Variants in PCDHGA1 observed in about 807,000 individuals in gnomAD.
PCDHGA1 encodes protocadherin gamma-A1.
Under a neutral mutation model 58.0 loss-of-function variants are expected in PCDHGA1, and 32 were observed. That is an observed-to-expected ratio of 0.55 (90% CI 0.42 to 0.74). The LOEUF is 0.74. Among genes scored for constraint, PCDHGA1 ranks in the 30% least tolerant of loss-of-function variants. The probability of loss-of-function intolerance (pLI) is 0.00; values close to 1 mark genes in which losing one functional copy is unlikely to be tolerated. For synonymous variants in PCDHGA1, 498 were observed against 501.1 expected (o/e 0.99, Z 0.08); for missense variants, 1,205 against 1,182.3 (o/e 1.02, Z -0.28).
intron 1 of PCDHGA1, 85 bp downstream of exon 1, chr5:141,333,190 T>C (rs1038726674): frequency 6.3e-7 from 1 of 1,583,000 alleles, no homozygotes; most frequent in Non-Finnish European, 8.6e-7. Flanking sequence ...TTGCTACAGA[T>C]AGTTCTTCTA....
At chr5:141,418,868 G>A in intron 1 of PCDHGA1, 2 of 1,613,998 alleles carry the variant, frequency 1.2e-6, no homozygotes, top group Non-Finnish European at 1.7e-6. Flanking sequence ...AATTGTAGAA[G>A]TTGTAGACGA....
At chr5:141,363,379 C>A (rs1307395105) in intron 1 of PCDHGA1, among the ~76,000 whole-genome samples, 1 of 151,982 alleles carries the variant, frequency 6.6e-6, no homozygotes, top group Non-Finnish European at 1.5e-5. Flanking sequence ...AGAGGTTTTT[C>A]TATTTCTGTT....
rs760056101 is a variant in PCDHGA1, at chr5:141,361,494, A to T, written c.2421+28389A>T. The T allele has an allele frequency of 2.5e-6, 4 of 1,613,976 alleles. No homozygotes were observed. In the East Asian group the frequency reaches 8.9e-5, roughly 36 times the overall value. On this transcript the variant is annotated intron_variant, in intron 1 of 3. Coordinates refer to ENST00000517417, the MANE Select transcript of PCDHGA1 (RefSeq NM_018912.3). ...TCAACGATAATGCCCCAGTTTTCCA[A>T]CAGACTTCCTACATGGTTCACGTGG...
intron 1 of PCDHGA1, chr5:141,372,263 G>A: frequency 6.2e-7 from 1 of 1,613,110 alleles, no homozygotes; most frequent in Admixed American, 1.7e-5. Flanking sequence ...GCCTGCGCAC[G>A]GGTGAGGTGC....
intron 1 of PCDHGA1, chr5:141,415,561 T>C (rs11575963): frequency 0.067 from 108,836 of 1,614,090 alleles, 4,260 homozygotes; most frequent in Non-Finnish European, 0.077. Context: ...CGATCCTTTG[T>C]CTTTGTTAGA....
chr5:141,331,147 C>G lies in PCDHGA1; in HGVS notation c.463C>G (p.Pro155Ala). Residue 155 changes from proline to alanine, a missense_variant, in exon 1 of 4, where the codon CCT becomes GCT. Pro to Ala is a conservative substitution (Grantham distance 27). Coordinates refer to ENST00000517417, the MANE Select transcript of PCDHGA1 (RefSeq NM_018912.3). ...ITTPGTRVSL[P>A]FGQDLDVGMN... Reference sequence around the variant, plus strand: ...GACTCCAGGTACCAGAGTCTCATTGCCTTTTGGGCAAGACCTTGATGTGGG... The same window carrying G: ...GACTCCAGGTACCAGAGTCTCATTGGCTTTTGGGCAAGACCTTGATGTGGG... 6.2e-7 allele frequency: 1 copy of G among 1,614,120 alleles called. No individual in the cohort carries two copies. Among genetic ancestry groups the G allele is most frequent in the Non-Finnish European group, 8.5e-7 (1 of 1,180,030 alleles).
intron 1 of PCDHGA1, chr5:141,372,467 C>T: frequency 6.2e-7 from 1 of 1,614,050 alleles, no homozygotes; most frequent in Non-Finnish European, 8.5e-7. Flanking sequence ...TACAGTTTCA[C>T]CTAGTAGTGG....
At chr5:141,429,500 A>C (rs1050435175) in intron 1 of PCDHGA1, among the ~76,000 whole-genome samples, 1 of 152,148 alleles carries the variant, frequency 6.6e-6, no homozygotes, top group Non-Finnish European at 1.5e-5. Flanking sequence ...CAGTTGCCTG[A>C]AACTGTGCCT....
At position 141,409,103 on chromosome 5, in the gene PCDHGA1, A is replaced by G. The variant is rs750657192; in HGVS notation, c.2421+75998A>G. The G allele has an allele frequency of 6.8e-6, 11 of 1,613,926 alleles. No individual in the cohort carries two copies. Among genetic ancestry groups the G allele is most frequent in the Non-Finnish European group, 9.3e-6 (11 of 1,179,900 alleles). On this transcript the variant is annotated intron_variant, in intron 1 of 3. Coordinates refer to ENST00000517417, the MANE Select transcript of PCDHGA1 (RefSeq NM_018912.3). ...CTCATTGGATGAGAAAACAGGTATG[A>G]TTAAGAATAACCAGTCATTTGATTT...
intron 1 of PCDHGA1, among the ~76,000 whole-genome samples, chr5:141,456,877 C>T (rs910777736): frequency 2.0e-5 from 3 of 152,202 alleles, no homozygotes; most frequent in South Asian, 2.1e-4. Context: ...GCAGGAGAAT[C>T]GCTTGAACCC....
At chr5:141,409,745 T>G (rs968473065) in intron 1 of PCDHGA1, 9 of 1,613,074 alleles carry the variant, frequency 5.6e-6, no homozygotes, top group Non-Finnish European at 7.6e-6. Flanking sequence ...CGGGGTGGTG[T>G]TCGCGCAGCG....
chr5:141,483,350 G>C (rs2099580423), intron 1 of PCDHGA1, among the ~76,000 whole-genome samples: 4 of 152,172 alleles, frequency 2.6e-5, no homozygotes, highest in Admixed American at 1.3e-4. Flanking sequence ...CTTTGCAATA[G>C]TTTGAAAGCT....
chr5:141,429,697 C>T (rs2097236349), intron 1 of PCDHGA1, among the ~76,000 whole-genome samples: 1 of 152,134 alleles, frequency 6.6e-6, no homozygotes, highest in African/African-American at 2.4e-5. Context: ...AATATCTTTA[C>T]AGTATAAATA....
chr5:141,439,124 C>A (rs550781116), intron 1 of PCDHGA1, among the ~76,000 whole-genome samples: 332 of 150,120 alleles, frequency 2.2e-3, no homozygotes, highest in Non-Finnish European at 3.9e-3. Context: ...ACCCGGGAGA[C>A]AGAGGTTGCA....
At chr5:141,433,212 T>C (rs747556366) in intron 1 of PCDHGA1, 75 of 1,570,956 alleles carry the variant, frequency 4.8e-5, no homozygotes, top group Non-Finnish European at 6.2e-5. Flanking sequence ...TTCTTTCTTT[T>C]TTTTTTTTAA....
rs199537783 is a variant in PCDHGA1 at position 141,389,536 on chromosome 5, A to G, written c.2421+56431A>G. 177 of 1,613,198 alleles carry G rather than the reference A, an allele frequency of 1.1e-4. No individual in the cohort carries two copies. Among genetic ancestry groups the G allele is most frequent in the Middle Eastern group, 9.9e-4 (6 of 6,036 alleles). On this transcript the variant is annotated intron_variant, in intron 1 of 3. Coordinates refer to ENST00000517417, the MANE Select transcript of PCDHGA1 (RefSeq NM_018912.3). ...AACGTGAGCCTGCGCGTGTTAGTGG[A>G]CGACCGCAACGACAATGCGCCACGG...
chr5:141,345,240 C>G (rs757266874), intron 1 of PCDHGA1: 3 of 1,613,924 alleles, frequency 1.9e-6, no homozygotes, highest in South Asian at 1.1e-5. Flanking sequence ...TCAATATTAC[C>G]GCTTAGTGAC....
At position 141,476,873 on chromosome 5, in the gene PCDHGA1, G is replaced by C; in HGVS notation, c.2422-17934G>C. On this transcript the variant is annotated intron_variant, in intron 1 of 3. Coordinates refer to ENST00000517417, the MANE Select transcript of PCDHGA1 (RefSeq NM_018912.3). This position sits in a 1 kb window ranked among gnomAD's most constrained non-coding sequence, Gnocchi z 7.6. ...CAACCAGTCCTTGTACCGGGCGCGC[G>C]TCCTGGAGGATGCACCCTCCGGCAC... 1 of 1,613,936 alleles carries C rather than the reference G, an allele frequency of 6.2e-7. No homozygotes were observed. Among genetic ancestry groups the C allele is most frequent in the South Asian group, 1.1e-5 (1 of 91,088 alleles).
intron 1 of PCDHGA1, chr5:141,384,020 G>C: frequency 6.2e-7 from 1 of 1,613,730 alleles, no homozygotes; most frequent in Non-Finnish European, 8.5e-7. Context: ...CTACAAGACA[G>C]AGATTCTGGA....
Sources: allele counts gnomAD v4.1 joint callset (sites outside exome capture counted in the v4.1 genomes callset), GRCh38; gene constraint gnomAD v4.1.1; non-coding constraint Gnocchi (gnomAD v3.1); transcripts MANE v1.5; gene names NCBI Gene and HGNC (gene_info 2026-07-23, HGNC 2026-07-21).